Variants in AGPAT4 observed in about 807,000 individuals in gnomAD.
AGPAT4 encodes 1-acylglycerol-3-phosphate O-acyltransferase 4, also known as 1-acyl-sn-glycerol-3-phosphate acyltransferase delta.
AGPAT4 carries 15 observed loss-of-function variants against 48.0 expected under a neutral mutation model. The observed-to-expected ratio is 0.31, with a 90% CI of 0.21 to 0.48. AGPAT4 has a LOEUF of 0.48. Ranked by LOEUF, AGPAT4 falls within the 20% of genes least tolerant of loss-of-function variation. The pLI is 0.99. For synonymous variants in AGPAT4, 178 were observed against 198.7 expected (o/e 0.90, Z 0.88); for missense variants, 314 against 482.5 (o/e 0.65, Z 3.27).
Position 161,134,398 on chromosome 6 carries a change from G to A in AGPAT4, c.*2142C>T, listed in dbSNP as rs1173452737. 6.6e-6 allele frequency: 1 copy of A among 152,158 alleles called. No homozygotes were observed. Among genetic ancestry groups the A allele is most frequent in the Non-Finnish European group, 1.5e-5 (1 of 68,022 alleles). 9.4% of individuals were successfully genotyped at this position (152,158 alleles called of 1,614,324 possible). ...CTGTGTTGAATGGAAGAATGAAAAT[G>A]AGAAAAATAACACATTTTTAGTACG... is the stretch of plus-strand genomic sequence containing the variant. On this transcript the variant is annotated 3_prime_UTR_variant, in exon 9 of 9. Transcript: ENST00000320285.
At chr6:161,205,872 G>A (rs1781366202) in intron 2 of AGPAT4, among the ~76,000 whole-genome samples, 1 of 151,942 alleles carries the variant, frequency 6.6e-6, no homozygotes. Context: ...CCAGTTCTGG[G>A]ATAAGATAGA....
rs932470235 is a variant in AGPAT4, at chr6:161,152,916, C to T, written c.664+430G>A. 9.9e-5 allele frequency among the ~76,000 whole-genome samples: 15 copies of T among 152,208 alleles called. No homozygotes were observed. The East Asian group carries it at 1.9e-3, about 20-fold the overall frequency. ...GTTGTTGCTATTTTCTTCTTCTTACCGATGGCCATTTAGGGTTCCAGACTC... is the reference window on the plus strand; with the variant it reads ...GTTGTTGCTATTTTCTTCTTCTTACTGATGGCCATTTAGGGTTCCAGACTC... On this transcript the variant is annotated intron_variant, in intron 5 of 8. Transcript: ENST00000320285.
rs2114960770 is a variant in AGPAT4 at position 161,148,474 on chromosome 6, A to T, written c.767+713T>A. 6.6e-6 allele frequency among the ~76,000 whole-genome samples: 1 copy of T among 152,296 alleles called. No individual in the cohort carries two copies. Among genetic ancestry groups the T allele is most frequent in the East Asian group, 1.9e-4 (1 of 5,184 alleles). On this transcript the variant is annotated intron_variant, in intron 6 of 8. Transcript: ENST00000320285. The surrounding 1 kb of genome is among the most constrained non-coding windows in gnomAD (Gnocchi z 5.5). ...TAATGTGGCTTCTGTAAGGTCTTGAATCAGAAGGTTATACGCCCCTGGATT... is the reference window on the plus strand; with the variant it reads ...TAATGTGGCTTCTGTAAGGTCTTGATTCAGAAGGTTATACGCCCCTGGATT...
intron 2 of AGPAT4, among the ~76,000 whole-genome samples, chr6:161,210,545 A>G (rs1440180599): frequency 2.6e-5 from 4 of 152,204 alleles, no homozygotes; most frequent in Middle Eastern, 6.3e-3. Context: ...GTTTAAGAAA[A>G]CTAAAGCACT....
In AGPAT4 at chr6:161,259,853, T is replaced by C. The variant is rs746752950; in HGVS notation, c.-90+14085A>G. ...TTTACAATGTCAGCACCTAGCTCCATGGTATCTATGTGCACGCTGCACCCC... is the reference window on the plus strand; with the variant it reads ...TTTACAATGTCAGCACCTAGCTCCACGGTATCTATGTGCACGCTGCACCCC... On this transcript the variant is annotated intron_variant, in intron 1 of 8. Coordinates refer to ENST00000320285, the MANE Select transcript of AGPAT4 (RefSeq NM_020133.3). This position sits in a 1 kb window ranked among gnomAD's most constrained non-coding sequence, Gnocchi z 4.9. Among the ~76,000 whole-genome samples the C allele has an allele frequency of 1.3e-5, 2 of 152,118 alleles. No individual in the cohort carries two copies. The highest frequency in any genetic ancestry group is 2.4e-5 in the African/African-American group (1 of 41,456).
intron 2 of AGPAT4, among the ~76,000 whole-genome samples, chr6:161,210,933 C>T (rs1388692291): frequency 3.3e-5 from 5 of 152,172 alleles, no homozygotes; most frequent in African/African-American, 1.2e-4. Context: ...TGGCTTTAGG[C>T]AGTCTAGCCC....
rs1262362102 is a variant in AGPAT4, at chr6:161,242,224, T to TGGTGAGTAAC, written c.-89-9932_-89-9923dup. Among the ~76,000 whole-genome samples the TGGTGAGTAAC allele has an allele frequency of 2.6e-5, 4 of 152,250 alleles. No homozygotes were observed. Among genetic ancestry groups the TGGTGAGTAAC allele is most frequent in the Non-Finnish European group, 4.4e-5 (3 of 68,038 alleles). On this transcript the variant is annotated intron_variant, in intron 1 of 8. Transcript: ENST00000320285. The surrounding 1 kb of genome is among the most constrained non-coding windows in gnomAD (Gnocchi z 5.0). ...GAGGAGGTGAAGTGTAAAGGGCTAA[T>TGGTGAGTAAC]GGTGAGTAACTGTGGGGGCCCGGCC...
chr6:161,183,596 G>C (rs907278557), intron 2 of AGPAT4, among the ~76,000 whole-genome samples: 4 of 143,654 alleles, frequency 2.8e-5, no homozygotes, highest in African/African-American at 7.8e-5. Context: ...CTCCAGCCTG[G>C]GCGACAGAGA....
rs1782577387 is a variant in AGPAT4, at chr6:161,244,041, G to T, written c.-89-11739C>A. On this transcript the variant is annotated intron_variant, in intron 1 of 8. Transcript: ENST00000320285. This position sits in a 1 kb window ranked among gnomAD's most constrained non-coding sequence, Gnocchi z 4.7. ...ATAAATCTCATTGAAGAAATGAGTT[G>T]AATACTCGATGTAGGCCTTGTTTCC... is the stretch of plus-strand genomic sequence containing the variant. 6.6e-6 allele frequency among the ~76,000 whole-genome samples: 1 copy of T among 152,214 alleles called. No homozygotes were observed. Among genetic ancestry groups the T allele is most frequent in the African/African-American group, 2.4e-5 (1 of 41,454 alleles).
At position 161,231,630 on chromosome 6, in the gene AGPAT4, T is replaced by TA. The variant is rs1782125460; in HGVS notation, c.178+405_178+406insT. ...ATATAGTATACTGCCACTTAGTTTT[T>TA]TAAAAAAAAATACGTATGTATATGT... is the stretch of plus-strand genomic sequence containing the variant. On this transcript the variant is annotated intron_variant, in intron 2 of 8. Transcript: ENST00000320285. This position sits in a 1 kb window ranked among gnomAD's most constrained non-coding sequence, Gnocchi z 5.3. Among the ~76,000 whole-genome samples, 2 of 151,926 alleles carry TA rather than the reference T, an allele frequency of 1.3e-5. No individual in the cohort carries two copies. The highest frequency in any genetic ancestry group is 4.8e-5 in the African/African-American group (2 of 41,348).
intron 2 of AGPAT4, among the ~76,000 whole-genome samples, chr6:161,203,713 G>A (rs1781306182): frequency 6.6e-6 from 1 of 152,104 alleles, no homozygotes; most frequent in Admixed American, 6.5e-5. Context: ...TGGGATTACA[G>A]GTGTGAGCCA....
In AGPAT4 at chr6:161,219,868, TAGATAGGC is replaced by T. The variant is rs1385317493; in HGVS notation, c.178+12160_178+12167del. Among the ~76,000 whole-genome samples the T allele has an allele frequency of 4.7e-3, 510 of 109,392 alleles. 3 individuals are homozygous for T. The highest frequency in any genetic ancestry group is 6.5e-3 in the Non-Finnish European group (337 of 52,044). The allele number at this position is 109,392 out of a possible 152,430, so 71.8% of individuals were successfully genotyped here. ...ATAGATAGATAGATAGATAGATAGA[TAGATAGGC>T]AGGCAGGCAGGCAGGCAGGCAGGCA... On this transcript the variant is annotated intron_variant, in intron 2 of 8. Coordinates refer to ENST00000320285, the MANE Select transcript of AGPAT4 (RefSeq NM_020133.3). This position sits in a 1 kb window ranked among gnomAD's most constrained non-coding sequence, Gnocchi z 4.9.
At chr6:161,145,440 T>C (rs1779391249) in intron 7 of AGPAT4, among the ~76,000 whole-genome samples, 2 of 151,614 alleles carry the variant, frequency 1.3e-5, no homozygotes, top group Middle Eastern at 3.4e-3. Flanking sequence ...GCAGTGATGG[T>C]ATAAAGGCAT....
rs910245919 is a variant in AGPAT4 at position 161,202,190 on chromosome 6, G to A, written c.178+29846C>T. On this transcript the variant is annotated intron_variant, in intron 2 of 8. Coordinates refer to ENST00000320285, the MANE Select transcript of AGPAT4 (RefSeq NM_020133.3). The surrounding 1 kb of genome is among the most constrained non-coding windows in gnomAD (Gnocchi z 5.4). Reference sequence around the variant, plus strand: ...ATTATCTCCGACAGTTTCTGAAGGTGGAGAATTCAGGACTGACATGGCTGA... The same window carrying A: ...ATTATCTCCGACAGTTTCTGAAGGTAGAGAATTCAGGACTGACATGGCTGA... Among the ~76,000 whole-genome samples, 4 of 152,134 alleles carry A rather than the reference G, an allele frequency of 2.6e-5. No individual in the cohort carries two copies. Among genetic ancestry groups the A allele is most frequent in the African/African-American group, 9.7e-5 (4 of 41,412 alleles).
At chr6:161,209,727 A>G (rs1188577554) in intron 2 of AGPAT4, among the ~76,000 whole-genome samples, 1 of 152,222 alleles carries the variant, frequency 6.6e-6, no homozygotes, top group Non-Finnish European at 1.5e-5. Context: ...TTGTCTGTCC[A>G]GCTTTCGGAA....
Position 161,262,992 on chromosome 6 carries a change from G to T in AGPAT4, c.-90+10946C>A, listed in dbSNP as rs1356516690. 6.6e-6 allele frequency among the ~76,000 whole-genome samples: 1 copy of T among 152,124 alleles called. No individual in the cohort carries two copies. The highest frequency in any genetic ancestry group is 2.4e-5 in the African/African-American group (1 of 41,432). ...GAGAAAGCGAGGGAAGGCCCACCAA[G>T]GCGAGTGACCAGAGGCAGAAGAGAC... On this transcript the variant is annotated intron_variant, in intron 1 of 8. Transcript: ENST00000320285. The surrounding 1 kb of genome is among the most constrained non-coding windows in gnomAD (Gnocchi z 4.9).
intron 1 of AGPAT4, among the ~76,000 whole-genome samples, chr6:161,263,737 A>G (rs1277307114): frequency 6.6e-6 from 1 of 152,184 alleles, no homozygotes; most frequent in Non-Finnish European, 1.5e-5. Context: ...TCTTCATTAC[A>G]TCATCTGGTC....
At chr6:161,168,525 C>T (rs1284465672) in intron 2 of AGPAT4, among the ~76,000 whole-genome samples, 4 of 152,074 alleles carry the variant, frequency 2.6e-5, no homozygotes, top group Non-Finnish European at 4.4e-5. Flanking sequence ...CTATAGAGCA[C>T]GGGCGCCACG....
In AGPAT4 at chr6:161,249,389, T is replaced by C. The variant is rs1417107293; in HGVS notation, c.-89-17087A>G. 6.6e-6 allele frequency among the ~76,000 whole-genome samples: 1 copy of C among 152,128 alleles called. No individual in the cohort carries two copies. The highest frequency in any genetic ancestry group is 1.9e-4 in the East Asian group (1 of 5,184). The stretch of plus-strand genomic sequence containing the variant: ...CTAAGTGAACAGACAACCTACAGAA[T>C]GGGATGATATATTTGCAAACTATGC... On this transcript the variant is annotated intron_variant, in intron 1 of 8. Coordinates refer to ENST00000320285, the MANE Select transcript of AGPAT4 (RefSeq NM_020133.3). This position sits in a 1 kb window ranked among gnomAD's most constrained non-coding sequence, Gnocchi z 6.2.
Sources: allele counts gnomAD v4.1 joint callset (sites outside exome capture counted in the v4.1 genomes callset), GRCh38; gene constraint gnomAD v4.1.1; non-coding constraint Gnocchi (gnomAD v3.1); transcripts MANE v1.5; gene names NCBI Gene and HGNC (gene_info 2026-07-23, HGNC 2026-07-21).